Variants in ASNS observed in about 807,000 individuals in gnomAD.
ASNS encodes the protein asparagine synthetase (glutamine-hydrolyzing), also known as asparagine synthetase [glutamine-hydrolyzing].
In ASNS, 37 loss-of-function variants were observed where a neutral mutation model predicts 62.6. The observed-to-expected ratio is 0.59, with a 90% CI of 0.45 to 0.78. The LOEUF (loss-of-function observed/expected upper bound fraction) is 0.78. Among genes scored for constraint, ASNS ranks in the 30% least tolerant of loss-of-function variants. The probability of loss-of-function intolerance (pLI) is 0.00; values close to 1 mark genes in which losing one functional copy is unlikely to be tolerated. For missense variants in ASNS, 520 were observed against 682.4 expected (o/e 0.76, Z 2.65); for synonymous variants, 207 against 237.9 (o/e 0.87, Z 1.19).
chr7:97,868,902 C>T lies in ASNS; in HGVS notation c.249+6G>A. 6.2e-7 allele frequency: 1 copy of T among 1,613,052 alleles called. No homozygotes were observed. The highest frequency in any genetic ancestry group is 8.5e-7 in the Non-Finnish European group (1 of 1,179,546). ...GCATCCAGACATCTGGTTTCTTTCT[C>T]CTCACCTTCTTATGGTTGTAGATTT... On this transcript the variant is annotated splice_donor_region_variant and intron_variant, in intron 3 of 12. Coordinates refer to ENST00000394308, the MANE Select transcript of ASNS (RefSeq NM_001673.5).
chr7:97,928,389 G>A, the ASNS span: 2 of 540,714 alleles, frequency 3.7e-6, no homozygotes, highest in South Asian at 5.3e-5. Context: ...CGCGGGCTCG[G>A]AGGGTCCGCG....
chr7:97,902,161 T>A, the ASNS span, among the ~76,000 whole-genome samples: 1 of 152,134 alleles, frequency 6.6e-6, no homozygotes, highest in East Asian at 1.9e-4. Flanking sequence ...GGAGGCTTCA[T>A]CCTTCCATGT....
chr7:97,891,300 A>G, the ASNS span, among the ~76,000 whole-genome samples: 6 of 152,194 alleles, frequency 3.9e-5, no homozygotes, highest in African/African-American at 1.4e-4. Flanking sequence ...CCATGACTCA[A>G]TTACTTCCCA....
At chr7:97,886,033 A>T in the ASNS span, 19 of 606,962 alleles carry the variant, frequency 3.1e-5, no homozygotes, top group East Asian at 7.1e-4. Context: ...TGCCCGTCTC[A>T]TGATGGTGCC....
rs747056151 is a variant in ASNS, at chr7:97,859,275, T to C, written c.611A>G (p.Tyr204Cys). 2 of 1,614,182 alleles carry C rather than the reference T, an allele frequency of 1.2e-6. No homozygotes were observed. The highest frequency in any genetic ancestry group is 1.7e-6 in the Non-Finnish European group (2 of 1,180,032). ...GKVASVEMVK[Y>C]HHCRDVPLHA... ...CAGGGGTACATCCCGACAGTGATGA[T>C]ATTTAACCATTTCCACGGATGCAAC... Residue 204 changes from tyrosine to cysteine, a missense_variant, in exon 5 of 13, where the codon TAT (tyrosine) becomes TGT (cysteine). Physicochemically the swap from Tyr to Cys is radical, Grantham distance 194. Coordinates refer to ENST00000394308, the MANE Select transcript of ASNS (RefSeq NM_001673.5).
chr7:97,924,304 G>T, the ASNS span, among the ~76,000 whole-genome samples: 3 of 152,182 alleles, frequency 2.0e-5, no homozygotes, highest in Non-Finnish European at 4.4e-5. Flanking sequence ...GGCCAGGGGG[G>T]GATGCGAGAA....
chr7:97,894,730 A>T, the ASNS span, among the ~76,000 whole-genome samples: 1 of 152,178 alleles, frequency 6.6e-6, no homozygotes, highest in Non-Finnish European at 1.5e-5. Context: ...ACTCAGTAAC[A>T]TAAAGTCTCC....
the ASNS span, chr7:97,899,042 T>C: frequency 7.6e-6 from 5 of 655,732 alleles, no homozygotes; most frequent in Non-Finnish European, 1.4e-5. Context: ...TGATCTTTCT[T>C]AGAGAATGGA....
the ASNS span, among the ~76,000 whole-genome samples, chr7:97,910,575 A>G: frequency 6.7e-6 from 1 of 149,604 alleles, no homozygotes; most frequent in Non-Finnish European, 1.5e-5. Context: ...TGGGAAATGG[A>G]GTGTCCTTTT....
At chr7:97,896,771 C>T in the ASNS span, among the ~76,000 whole-genome samples, 56 of 20,840 alleles carry the variant, frequency 2.7e-3, 1 homozygote, top group African/African-American at 4.9e-3. Flanking sequence ...TATATATATA[C>T]TGCAAAGCTA....
chr7:97,858,841 TAA>T lies in ASNS; in HGVS notation c.775+11_775+12del. 3.8e-6 allele frequency: 6 copies of T among 1,598,688 alleles called. No homozygotes were observed. The Admixed American group carries it at 7.2e-5, about 19-fold the overall frequency. On this transcript the variant is annotated intron_variant, in intron 6 of 12. Coordinates refer to ENST00000394308, the MANE Select transcript of ASNS (RefSeq NM_001673.5). ...CACATGAAATATAATTAGGTTTTTTTAATTGACTTCACCTGATAAAAGGCAGC... is the reference window on the plus strand; with the variant it reads ...CACATGAAATATAATTAGGTTTTTTTTTGACTTCACCTGATAAAAGGCAGC...
chr7:97,853,339 T>C lies in ASNS; in HGVS notation c.1286A>G (p.Tyr429Cys), dbSNP rs748068851. ...TCTCATTTCTGGTGGCAGAGACAAG[T>C]AATAGGAAGAAAATCGATGATCTAG... ...PFLDHRFSSY[Y>C]LSLPPEMRIP... Residue 429 changes from tyrosine (Y) to cysteine (C), a missense_variant, in exon 11 of 13, where the codon TAC becomes TGC. Coordinates refer to ENST00000394308, the MANE Select transcript of ASNS (RefSeq NM_001673.5). 2 of 1,613,536 alleles carry C rather than the reference T, an allele frequency of 1.2e-6. No homozygotes were observed. The highest frequency in any genetic ancestry group is 1.7e-6 in the Non-Finnish European group (2 of 1,179,912).
In ASNS at chr7:97,854,612, A is replaced by T; in HGVS notation, c.1206T>A (p.Val402=). 1 of 1,614,104 alleles carries T rather than the reference A, an allele frequency of 6.2e-7. No homozygotes were observed. The highest frequency in any genetic ancestry group is 8.5e-7 in the Non-Finnish European group (1 of 1,180,016). Residue 402 remains valine, a synonymous_variant, in exon 10 of 13, where the codon GTT becomes GTA. Transcript: ENST00000394308. ...CAGCAGTAGTTCGATCTGCGCGGAG[A>T]ACATCAAACAAATAGAGTTCCCTCA... The part of the protein sequence containing the change: ...RLLRELYLFD[V]LRADRTTAAH...
At position 97,853,361 on chromosome 7, in the gene ASNS, C is replaced by T; in HGVS notation, c.1264G>A (p.Asp422Asn). 3 of 1,612,624 alleles carry T rather than the reference C, an allele frequency of 1.9e-6. No individual in the cohort carries two copies. Among genetic ancestry groups the T allele is most frequent in the East Asian group, 4.5e-5 (2 of 44,842 alleles). ...AAGTAATAGGAAGAAAATCGATGAT[C>T]TAGAAATGGGACTCTCAGTTCAAGA... ...HGLELRVPFL[D>N]HRFSSYYLSL... Residue 422 changes from aspartate (D) to asparagine (N), a missense_variant, in exon 11 of 13, where the codon GAT (aspartate) becomes AAT (asparagine). By Grantham distance (23) the Asp-to-Asn change is conservative. Transcript: ENST00000394308.
At chr7:97,898,869 T>G in the ASNS span, 1 of 1,063,188 alleles carries the variant, frequency 9.4e-7, no homozygotes, top group South Asian at 1.2e-5. Flanking sequence ...GTAATCAGCT[T>G]GAATTTTCTA....
the ASNS span, among the ~76,000 whole-genome samples, chr7:97,924,277 G>A: frequency 6.6e-6 from 1 of 152,136 alleles, no homozygotes; most frequent in Admixed American, 6.5e-5. Flanking sequence ...CCACCAACAT[G>A]CGCAGGTAGC....
At chr7:97,926,092 G>A in the ASNS span, among the ~76,000 whole-genome samples, 4 of 132,144 alleles carry the variant, frequency 3.0e-5, no homozygotes, top group Non-Finnish European at 6.2e-5. Flanking sequence ...CCCTGCAGCA[G>A]GACTTGGCAC....
the ASNS span, among the ~76,000 whole-genome samples, chr7:97,893,963 C>A: frequency 7.3e-5 from 11 of 151,436 alleles, no homozygotes; most frequent in African/African-American, 2.2e-4. Flanking sequence ...CCAGGATAGA[C>A]CATATGTTAG....
the ASNS span, among the ~76,000 whole-genome samples, chr7:97,924,298 A>G: frequency 6.6e-6 from 1 of 152,114 alleles, no homozygotes; most frequent in Non-Finnish European, 1.5e-5. Flanking sequence ...ACTTTCGGCC[A>G]GGGGGGGATG....
Sources: allele counts gnomAD v4.1 joint callset (sites outside exome capture counted in the v4.1 genomes callset), GRCh38; gene constraint gnomAD v4.1.1; transcripts MANE v1.5; gene names NCBI Gene and HGNC (gene_info 2026-07-23, HGNC 2026-07-21).